MAP4: variants seen among roughly 807,000 people sequenced by gnomAD.
MAP4 encodes microtubule associated protein 4, also known as microtubule-associated protein 4.
Under a neutral mutation model 170.2 loss-of-function variants are expected in MAP4, and 76 were observed. The observed-to-expected ratio is 0.45, with a 90% CI of 0.37 to 0.54. MAP4 has a LOEUF of 0.54. Among genes scored for constraint, MAP4 ranks in the 20% least tolerant of loss-of-function variants. The pLI is 0.00. For synonymous variants in MAP4, 909 were observed against 994.5 expected (o/e 0.91, Z 1.62); for missense variants, 2,506 against 2,748.0 (o/e 0.91, Z 1.97).
rs1280017055 is a variant in MAP4, at chr3:48,087,747, A to ACG, written c.-20+1025_-20+1026insCG. Among the ~76,000 whole-genome samples, 9 of 74,164 alleles carry ACG rather than the reference A, an allele frequency of 1.2e-4. No individual in the cohort carries two copies. The Admixed American group carries it at 1.6e-3, about 13-fold the overall frequency. 48.7% of individuals were successfully genotyped at this position (74,164 alleles called of 152,430 possible). On this transcript the variant is annotated intron_variant, in intron 1 of 18. Transcript: ENST00000360240. ...CGCACGCGCACACACACGCACGCGC[A>ACG]CACACACACACACACACACACACAC...
intron 3 of MAP4, chr3:47,931,932 T>C (rs2100050083): frequency 6.6e-6 from 1 of 152,228 alleles, no homozygotes; most frequent in Non-Finnish European, 1.5e-5. Flanking sequence ...ATTTTTTAAA[T>C]AACAGTTTTA....
At chr3:48,039,116 C>A (rs2100120338) in intron 1 of MAP4, among the ~76,000 whole-genome samples, 1 of 151,908 alleles carries the variant, frequency 6.6e-6, no homozygotes, top group Admixed American at 6.6e-5. Context: ...AAAAAACAAA[C>A]AAACAAAAAC....
chr3:48,002,707 C>T (rs1486125592), intron 1 of MAP4, among the ~76,000 whole-genome samples: 2 of 151,918 alleles, frequency 1.3e-5, no homozygotes, highest in African/African-American at 2.4e-5. Context: ...ACGGTGAAAC[C>T]CCATTTCTAC....
intron 3 of MAP4, among the ~76,000 whole-genome samples, chr3:47,959,864 C>T (rs2100070465): frequency 6.6e-6 from 1 of 151,636 alleles, no homozygotes; most frequent in African/African-American, 2.4e-5. Context: ...GAGTTTTGGC[C>T]ATTTTTATTT....
At chr3:47,986,809 TA>T (rs1474438289) in intron 2 of MAP4, among the ~76,000 whole-genome samples, 13 of 152,318 alleles carry the variant, frequency 8.5e-5, no homozygotes, top group African/African-American at 3.1e-4. Flanking sequence ...TTTATGCATA[TA>T]TATAAACTTC....
At chr3:47,888,478 C>T (rs547626436) in intron 10 of MAP4, among the ~76,000 whole-genome samples, 1 of 152,096 alleles carries the variant, frequency 6.6e-6, no homozygotes, top group Non-Finnish European at 1.5e-5. Flanking sequence ...GACGCGCTGC[C>T]TTAAGAGCTG....
At chr3:47,888,487 T>A (rs2098026237) in intron 10 of MAP4, among the ~76,000 whole-genome samples, 1 of 151,596 alleles carries the variant, frequency 6.6e-6, no homozygotes, top group African/African-American at 2.4e-5. Context: ...CCTTAAGAGC[T>A]GTAACACTCA....
At chr3:48,030,799 A>G (rs2100115668) in intron 1 of MAP4, among the ~76,000 whole-genome samples, 1 of 51,690 alleles carries the variant, frequency 1.9e-5, no homozygotes, top group African/African-American at 1.1e-4. Flanking sequence ...ACTCCATCTC[A>G]AAAAAAAAAA....
chr3:48,054,827 A>C lies in MAP4; in HGVS notation c.-20+33946T>G, dbSNP rs376715744. On this transcript the variant is annotated intron_variant, in intron 1 of 18. Transcript: ENST00000360240. ...TGTCTCCAAAAAAAAAAAAGAAAAG[A>C]AAAGCCCCAACAAAAGTCAGTCTTC... 7.2e-5 allele frequency among the ~76,000 whole-genome samples: 11 copies of C among 151,956 alleles called. No homozygotes were observed. In the East Asian group the frequency reaches 1.7e-3, roughly 24 times the overall value.
chr3:47,909,263 C>T lies in MAP4; in HGVS notation c.5158G>A (p.Gly1720Ser). The T allele has an allele frequency of 6.2e-7, 1 of 1,613,860 alleles. No individual in the cohort carries two copies. Among genetic ancestry groups the T allele is most frequent in the Non-Finnish European group, 8.5e-7 (1 of 1,179,862 alleles). Residue 1720 changes from glycine to serine, a missense_variant, in exon 9 of 21, where the codon GGT (glycine) becomes AGT (serine). This residue lies in a region of MAP4 where 2,008 missense variants were observed against 2,206.0 expected (regional missense o/e 0.91). Transcript: ENST00000683076. ...DTLVIMTASK[G>S]VRLPEPKDKI... ...TCTTTGGGTTCTGGGAGTCGAACAC[C>T]CTTGGAAGCAGTCATTATTACTAAC...
At chr3:47,975,440 CCA>C (rs1559666915) in intron 3 of MAP4, 2 of 1,568,440 alleles carry the variant, frequency 1.3e-6, no homozygotes, top group Non-Finnish European at 1.7e-6. Flanking sequence ...TGCAGCAGCC[CCA>C]GTGTTGAGAG....
chr3:47,911,299 A>T lies in MAP4; in HGVS notation c.3122T>A (p.Leu1041Ter). ...FTSEQLQGQV[L>*]VQVPGVENEP... is the part of the protein sequence containing the mutation. ...ATTCTCTACCCCAGGGACCTGTACC[A>T]ACACTTGGCCCTGCAGCTGCTCAGA... The change falls in exon 9 of 21, where the codon TTG (leucine) becomes TAG (stop). Residue 1041 changes from leucine to a stop codon, truncating the protein, a stop_gained. Coordinates refer to ENST00000683076, the MANE Select transcript of MAP4 (RefSeq NM_001385682.1). LOFTEE classifies it high-confidence loss of function. The surrounding 1 kb of genome is among the most constrained non-coding windows in gnomAD (Gnocchi z 4.0). The T allele has an allele frequency of 6.5e-7, 1 of 1,536,122 alleles. No individual in the cohort carries two copies. The highest frequency in any genetic ancestry group is 8.7e-7 in the Non-Finnish European group (1 of 1,146,906).
At chr3:47,873,334 G>C (rs1221421436) in intron 12 of MAP4, among the ~76,000 whole-genome samples, 3 of 152,116 alleles carry the variant, frequency 2.0e-5, no homozygotes, top group Non-Finnish European at 4.4e-5. Flanking sequence ...GTTTCTACGG[G>C]GATAGGGGAT....
intron 1 of MAP4, among the ~76,000 whole-genome samples, chr3:48,030,069 G>A (rs1345927008): frequency 1.4e-5 from 2 of 146,566 alleles, no homozygotes; most frequent in Admixed American, 6.9e-5. Flanking sequence ...ATATTCACAT[G>A]TAATATATAT....
rs1438059942 is a variant in MAP4, at chr3:47,918,725, T to C, written c.646A>G (p.Thr216Ala). Residue 216 changes from threonine to alanine, a missense_variant, in exon 6 of 21, where the codon ACG (threonine) becomes GCG (alanine). Thr to Ala is a moderately conservative substitution (Grantham distance 58). This residue lies in a region of MAP4 where 2,008 missense variants were observed against 2,206.0 expected (regional missense o/e 0.91). Transcript: ENST00000683076. ...GGAGTCTCTAATAGTTTACCTGCCG[T>C]TGGCTGAGGAGGTTCTGCAACAGCC... ...PEAVAEPPQP[T>A]AVPLELAKEI... The C allele has an allele frequency of 6.2e-6, 10 of 1,609,954 alleles. No homozygotes were observed. The highest frequency in any genetic ancestry group is 8.5e-6 in the Non-Finnish European group (10 of 1,176,472).
At chr3:47,864,306 C>G (rs1205414161) in intron 17 of MAP4, among the ~76,000 whole-genome samples, 1 of 152,092 alleles carries the variant, frequency 6.6e-6, no homozygotes, top group Admixed American at 6.6e-5. Flanking sequence ...TTTGGGAGGC[C>G]AAGGTGGGTG....
Position 47,909,592 on chromosome 3 carries a change from T to C in MAP4, c.4829A>G (p.Glu1610Gly). Residue 1610 changes from glutamate (E) to glycine (G), a missense_variant, in exon 9 of 21, where the codon GAG becomes GGG. Around this residue, in one of 3 missense-constraint regions of MAP4, gnomAD observed 2,008 missense variants for 2,206.0 expected, o/e 0.91. Coordinates refer to ENST00000683076, the MANE Select transcript of MAP4 (RefSeq NM_001385682.1). ...AACAGACCCTTCTTTAGTCTCTTTC[T>C]CTTCATTCACTGGATGTGCTGGGAA... Reference protein sequence around the residue: ...GNFPAHPVNEEKETKEGSVAV... With the variant: ...GNFPAHPVNEGKETKEGSVAV... The C allele has an allele frequency of 6.2e-7, 1 of 1,613,254 alleles. No individual in the cohort carries two copies. The highest frequency in any genetic ancestry group is 8.5e-7 in the Non-Finnish European group (1 of 1,179,890).
Position 47,909,447 on chromosome 3 carries a change from C to T in MAP4, c.4974G>A (p.Leu1658=), listed in dbSNP as rs760158674. 6.2e-7 allele frequency: 1 copy of T among 1,613,706 alleles called. No individual in the cohort carries two copies. Among genetic ancestry groups the T allele is most frequent in the Admixed American group, 1.7e-5 (1 of 59,990 alleles). ...TTTCACTTTTTGGAGACAAAAGAGT[C>T]AGATCTACCTTCTTATTCAAACTAT... The part of the protein sequence containing the change: ...GSDSLNKKVD[L]TLLSPKSEND... Residue 1658 remains leucine, a synonymous_variant, in exon 9 of 21, where the codon CTG becomes CTA. Coordinates refer to ENST00000683076, the MANE Select transcript of MAP4 (RefSeq NM_001385682.1).
chr3:47,914,526 G>A (rs540693887), intron 8 of MAP4, among the ~76,000 whole-genome samples: 1 of 151,100 alleles, frequency 6.6e-6, no homozygotes, highest in East Asian at 1.9e-4. Context: ...CGCCAGCCTG[G>A]GCGACAGAGT....
Sources: gnomAD v4.1 joint callset for allele counts (sites outside exome capture counted in the v4.1 genomes callset) on GRCh38, gnomAD v4.1.1 for gene constraint, gnomAD v4.1.1 regional missense constraint, Gnocchi (gnomAD v3.1) non-coding constraint, MANE v1.5 for transcripts, NCBI Gene and HGNC (gene_info 2026-07-23, HGNC 2026-07-21) for gene names.